Variants in SLC41A3 observed in about 807,000 individuals in gnomAD.
The protein encoded by SLC41A3 is solute carrier family 41 member 3.
Under a neutral mutation model 45.4 loss-of-function variants are expected in SLC41A3, and 44 were observed. That is an observed-to-expected ratio of 0.97 (90% confidence interval 0.76 to 1.25). SLC41A3 has a LOEUF of 1.25. SLC41A3 is among the 50% of genes most tolerant of loss of function. The pLI is 0.00. For missense variants in SLC41A3, 550 were observed against 600.6 expected (o/e 0.92, Z 0.88); for synonymous variants, 256 against 252.4 (o/e 1.01, Z -0.13).
chr3:126,012,726 T>G lies in SLC41A3; in HGVS notation c.994A>C (p.Ile332Leu). ...ICGVGGNLVA[I>L]QTSRISTYLH... is the part of the protein sequence containing the mutation. The stretch of plus-strand genomic sequence containing the variant: ...TAGGTTGAGATTCGGCTGGTCTGAA[T>G]GGCCACCAGATTGCCACCAACACCT... Residue 332 changes from isoleucine to leucine, a missense_variant, in exon 9 of 11, where the codon ATT (isoleucine) becomes CTT (leucine). By Grantham distance (5) the Ile-to-Leu change is conservative (BLOSUM62 2). Transcript: ENST00000360370. The G allele has an allele frequency of 6.2e-7, 1 of 1,614,224 alleles. No homozygotes were observed. Among genetic ancestry groups the G allele is most frequent in the Non-Finnish European group, 8.5e-7 (1 of 1,180,032 alleles).
At chr3:126,060,825 CCTT>C (rs1559871711) in intron 2 of SLC41A3, among the ~76,000 whole-genome samples, 1 of 152,200 alleles carries the variant, frequency 6.6e-6, no homozygotes, top group Non-Finnish European at 1.5e-5. Flanking sequence ...TTCTGTGTGA[CCTT>C]CTCTGGGCCT....
rs148532588 is a variant in SLC41A3 at position 126,029,378 on chromosome 3, C to G, written c.454-2899G>C. Reference sequence around the variant, plus strand: ...AAGTATGTGGCACTCCCTCCCCCACCACTCTCTTGCTCATTCTCTGGCCAC... The same window carrying G: ...AAGTATGTGGCACTCCCTCCCCCACGACTCTCTTGCTCATTCTCTGGCCAC... On this transcript the variant is annotated intron_variant, in intron 4 of 10. Coordinates refer to ENST00000360370, the MANE Select transcript of SLC41A3 (RefSeq NM_017836.4). Among the ~76,000 whole-genome samples, 685 of 151,706 alleles carry G rather than the reference C, an allele frequency of 4.5e-3. 2 individuals carry two copies. The highest frequency in any genetic ancestry group is 0.016 in the African/African-American group (660 of 41,384).
intron 1 of SLC41A3, among the ~76,000 whole-genome samples, chr3:126,096,285 G>A (rs1480663310): frequency 6.6e-6 from 1 of 152,174 alleles, no homozygotes; most frequent in Admixed American, 6.5e-5. Context: ...GTCTGCAGAT[G>A]CGGATCCTGA....
At chr3:126,007,314 A>C in intron 10 of SLC41A3, 89 bp from the exon 11 acceptor site, 1 of 1,402,214 alleles carries the variant, frequency 7.1e-7, no homozygotes, top group Non-Finnish European at 9.8e-7. Flanking sequence ...AAGGAGAGAT[A>C]CCAAGGTGGA....
chr3:126,023,214 A>G, intron 5 of SLC41A3: 1 of 337,650 alleles, frequency 3.0e-6, no homozygotes, highest in Non-Finnish European at 5.4e-6. Context: ...GTGGCTCCCG[A>G]GCTCCCAAAT....
chr3:126,011,998 C>T (rs1004518635), intron 9 of SLC41A3, among the ~76,000 whole-genome samples: 5 of 152,262 alleles, frequency 3.3e-5, no homozygotes, highest in South Asian at 2.1e-4. Context: ...AGGTTCCTTC[C>T]TCAACTCCAA....
At chr3:126,082,777 C>A (rs1945227717) in intron 1 of SLC41A3, among the ~76,000 whole-genome samples, 1 of 149,190 alleles carries the variant, frequency 6.7e-6, no homozygotes, top group South Asian at 2.2e-4. Context: ...CTCACACAGA[C>A]CAGGGCTCGC....
At chr3:126,017,629 G>A (rs1375057321) in intron 6 of SLC41A3, among the ~76,000 whole-genome samples, 1 of 152,206 alleles carries the variant, frequency 6.6e-6, no homozygotes, top group African/African-American at 2.4e-5. Flanking sequence ...ACAAGACACT[G>A]GCTTTCTCTA....
At chr3:126,094,657 T>C (rs1202197993) in intron 1 of SLC41A3, among the ~76,000 whole-genome samples, 1 of 152,226 alleles carries the variant, frequency 6.6e-6, no homozygotes, top group East Asian at 1.9e-4. Flanking sequence ...AGCAAGACTG[T>C]GAACAGTTTG....
At chr3:126,052,555 G>A (rs1559860982) in intron 2 of SLC41A3, among the ~76,000 whole-genome samples, 2 of 152,136 alleles carry the variant, frequency 1.3e-5, no homozygotes, top group Non-Finnish European at 2.9e-5. Context: ...ATCACCCTCA[G>A]TGCTGCAACT....
At chr3:126,086,610 C>T (rs1945399299), upstream of SLC41A3, among the ~76,000 whole-genome samples, 1 of 151,702 alleles carries the variant, frequency 6.6e-6, no homozygotes, top group Non-Finnish European at 1.5e-5. Context: ...TTTAATTTCC[C>T]TCTAGCAAAC....
intron 2 of SLC41A3, among the ~76,000 whole-genome samples, chr3:126,065,487 C>G (rs1487320680): frequency 6.6e-6 from 1 of 152,204 alleles, no homozygotes; most frequent in South Asian, 2.1e-4. Flanking sequence ...CAGACCAGCA[C>G]GACAGCTGTG....
intron 3 of SLC41A3, among the ~76,000 whole-genome samples, chr3:126,038,434 T>C (rs1462346786): frequency 1.3e-5 from 2 of 152,244 alleles, no homozygotes; most frequent in Non-Finnish European, 2.9e-5. Flanking sequence ...CCAGAGGCCT[T>C]GGGAGCCCAC....
chr3:126,082,785 C>T (rs1221721701), intron 1 of SLC41A3, among the ~76,000 whole-genome samples: 2 of 145,740 alleles, frequency 1.4e-5, no homozygotes, highest in Non-Finnish European at 3.1e-5. Context: ...GACCAGGGCT[C>T]GCCCAAAGGC....
chr3:126,065,335 C>A (rs1288539130), intron 2 of SLC41A3, among the ~76,000 whole-genome samples: 2 of 152,142 alleles, frequency 1.3e-5, no homozygotes, highest in African/African-American at 4.8e-5. Context: ...TGGAACACAG[C>A]GATATAAAAC....
At chr3:126,070,669 A>G (rs960996726) in intron 1 of SLC41A3, among the ~76,000 whole-genome samples, 3 of 152,324 alleles carry the variant, frequency 2.0e-5, no homozygotes, top group African/African-American at 4.8e-5. Context: ...GTAAAGGAGA[A>G]ATTAAGAGAT....
chr3:126,035,588 T>C (rs1286069983), intron 3 of SLC41A3, among the ~76,000 whole-genome samples: 1 of 152,188 alleles, frequency 6.6e-6, no homozygotes, highest in Admixed American at 6.5e-5. Context: ...GAAAAGCCAA[T>C]GCGCAGGGCA....
At chr3:126,085,692 G>C (rs1945365587), upstream of SLC41A3, among the ~76,000 whole-genome samples, 1 of 152,138 alleles carries the variant, frequency 6.6e-6, no homozygotes, top group South Asian at 2.1e-4. Flanking sequence ...CTGCGCATTT[G>C]TGTGAGGAAT....
In SLC41A3 at chr3:126,067,549, C is replaced by T. The variant is rs1427131528; in HGVS notation, c.273+398G>A. On this transcript the variant is annotated intron_variant, in intron 2 of 10. Transcript: ENST00000360370. ...GGAGAGGCCACAGGAGAAACCAATG[C>T]TGCCAACACCTTGATCTTGGACTTC... 3 of 442,296 alleles carry T rather than the reference C, an allele frequency of 6.8e-6. No individual in the cohort carries two copies. In the Admixed American group the frequency reaches 7.5e-5, roughly 11 times the overall value. The allele number at this position is 442,296 out of a possible 1,614,324, so 27.4% of individuals were successfully genotyped here. A position where few individuals can be genotyped will look rare whatever the true frequency, so the allele number is the denominator to read the frequency against.
Sources: allele counts gnomAD v4.1 joint callset (sites outside exome capture counted in the v4.1 genomes callset), GRCh38; gene constraint gnomAD v4.1.1; transcripts MANE v1.5; gene names NCBI Gene and HGNC (gene_info 2026-07-23, HGNC 2026-07-21).